TCF20: variants seen among roughly 807,000 people sequenced by gnomAD.
The protein encoded by TCF20 is SPRE-binding protein.
A neutral mutation model predicts 148.6 loss-of-function variants in TCF20; 3 were observed. That is an observed-to-expected ratio of 0.02 (90% confidence interval 0.01 to 0.05). The LOEUF (loss-of-function observed/expected upper bound fraction) is 0.05. Among genes scored for constraint, TCF20 ranks in the 10% least tolerant of loss-of-function variants. TCF20 has a pLI of 1.00. For synonymous variants in TCF20, 1,049 were observed against 909.5 expected, an observed-to-expected ratio of 1.15 and a Z score of -2.76; for missense variants, 2,350 against 2,429.3, an observed-to-expected ratio of 0.97 and a Z score of 0.69.
At chr22:42,287,476 T>C (rs908667043), upstream of TCF20, among the ~76,000 whole-genome samples, 1 of 152,164 alleles carries the variant, frequency 6.6e-6, no homozygotes, top group Non-Finnish European at 1.5e-5. Flanking sequence ...ACCAACATAC[T>C]CTACTGCATC....
chr22:42,170,335 TA>T (rs71803379), intron 3 of TCF20, among the ~76,000 whole-genome samples: 18,939 of 139,122 alleles, frequency 0.14, 1,506 homozygotes, highest in African/African-American at 0.24. Flanking sequence ...CTGTCACTAT[TA>T]AAAAAAAAAA....
intron 5 of TCF20, among the ~76,000 whole-genome samples, chr22:42,164,535 ATTTC>A (rs1935666407): frequency 6.6e-6 from 1 of 152,140 alleles, no homozygotes; most frequent in African/African-American, 2.4e-5. Context: ...GGATGCACTC[ATTTC>A]TTTAACACAG....
chr22:42,261,666 C>T (rs1045135856), intron 1 of TCF20, among the ~76,000 whole-genome samples: 2 of 152,102 alleles, frequency 1.3e-5, no homozygotes, highest in African/African-American at 2.4e-5. Flanking sequence ...GAGAAAAAGG[C>T]TAGGCTTGCC....
chr22:42,178,214 C>T (rs1936559691), intron 3 of TCF20, among the ~76,000 whole-genome samples: 1 of 152,170 alleles, frequency 6.6e-6, no homozygotes, highest in Non-Finnish European at 1.5e-5. Flanking sequence ...TGTTCATCTG[C>T]ATCCTTTATA....
At chr22:42,271,492 T>C (rs1455920109), upstream of TCF20, among the ~76,000 whole-genome samples, 3 of 152,228 alleles carry the variant, frequency 2.0e-5, no homozygotes, top group East Asian at 1.9e-4. Context: ...TTGACTTCTT[T>C]ATAAAGAAAA....
intron 1 of TCF20, among the ~76,000 whole-genome samples, chr22:42,340,883 GC>G (rs200722799): frequency 0.043 from 5,726 of 134,034 alleles, 185 homozygotes; most frequent in African/African-American, 0.094. Context: ...GAGGAGGGAA[GC>G]CCCCCCCCCC....
chr22:42,169,437 T>C (rs796231746), intron 4 of TCF20, among the ~76,000 whole-genome samples: 16 of 152,250 alleles, frequency 1.1e-4, no homozygotes, highest in African/African-American at 3.9e-4. Flanking sequence ...AGCCTTGTGG[T>C]CAGCTCGACT....
At position 42,215,230 on chromosome 22, in the gene TCF20, G is replaced by A. The variant is rs992634165; in HGVS notation, c.76C>T (p.Arg26Trp). 15 of 1,614,050 alleles carry A rather than the reference G, an allele frequency of 9.3e-6. No homozygotes were observed. Among genetic ancestry groups the A allele is most frequent in the African/African-American group, 1.3e-5 (1 of 74,922 alleles). ...TGACGAGGGCTGAACTCTTCTAGCC[G>A]GGATGAGCCGTGTACCTCCTGTGGG... ...SYPQEVHGSS[R>W]LEEFSPRQAQ... is the part of the protein sequence containing the mutation. Residue 26 changes from arginine to tryptophan, a missense_variant, in exon 2 of 6, where the codon CGG (arginine) becomes TGG (tryptophan). Physicochemically the swap from Arg to Trp is moderately radical, Grantham distance 101. Around this residue, in one of 7 missense-constraint regions of TCF20, gnomAD observed 1,641 missense variants for 1,662.6 expected, o/e 0.99. Coordinates refer to ENST00000677622, the MANE Select transcript of TCF20 (RefSeq NM_001378418.1).
intron 1 of TCF20, among the ~76,000 whole-genome samples, chr22:42,265,489 G>A (rs1926235808): frequency 1.3e-5 from 2 of 152,090 alleles, no homozygotes; most frequent in South Asian, 4.1e-4. Context: ...ATTTTGCAGA[G>A]ACCAGGTCTC....
intron 1 of TCF20, among the ~76,000 whole-genome samples, chr22:42,259,588 A>G (rs1353934394): frequency 2.0e-5 from 3 of 152,144 alleles, no homozygotes; most frequent in Non-Finnish European, 4.4e-5. Flanking sequence ...CCCTATTCCA[A>G]TATTCGCTTC....
chr22:42,339,011 C>T (rs141507219), intron 1 of TCF20, among the ~76,000 whole-genome samples: 338 of 152,214 alleles, frequency 2.2e-3, no homozygotes, highest in African/African-American at 5.4e-3. Flanking sequence ...AGCCCTCCCA[C>T]GAGCAGCCCC....
intron 1 of TCF20, among the ~76,000 whole-genome samples, chr22:42,323,319 G>A (rs1927769271): frequency 8.2e-6 from 1 of 121,228 alleles, no homozygotes; most frequent in Admixed American, 7.5e-5. Context: ...GGGATGGCAG[G>A]GTGGCAGTGG....
intron 1 of TCF20, among the ~76,000 whole-genome samples, chr22:42,254,762 C>G (rs977001335): frequency 4.6e-5 from 7 of 152,176 alleles, no homozygotes; most frequent in African/African-American, 1.7e-4. Context: ...GTCAGCAGAT[C>G]GAGAATATCT....
chr22:42,245,783 T>C (rs1376918512), intron 1 of TCF20, among the ~76,000 whole-genome samples: 2 of 152,152 alleles, frequency 1.3e-5, no homozygotes, highest in Non-Finnish European at 2.9e-5. Flanking sequence ...TTAAATTTTA[T>C]TTATGTATTT....
At chr22:42,188,944 G>A (rs765215464) in intron 2 of TCF20, among the ~76,000 whole-genome samples, 2 of 152,190 alleles carry the variant, frequency 1.3e-5, no homozygotes, top group Non-Finnish European at 2.9e-5. Flanking sequence ...AGTTAAGGAA[G>A]TCAGGAAAGC....
chr22:42,271,604 G>A (rs1368526416), upstream of TCF20, among the ~76,000 whole-genome samples: 1 of 152,220 alleles, frequency 6.6e-6, no homozygotes, highest in African/African-American at 2.4e-5. Flanking sequence ...TTGTGATCCT[G>A]CCCCTGACCT....
At chr22:42,335,846 C>G (rs967527895) in intron 1 of TCF20, among the ~76,000 whole-genome samples, 6 of 152,106 alleles carry the variant, frequency 3.9e-5, no homozygotes, top group African/African-American at 1.4e-4. Context: ...CAGATCACGC[C>G]CCCAGCCCTG....
At chr22:42,333,225 G>A (rs919256603) in intron 1 of TCF20, among the ~76,000 whole-genome samples, 19 of 151,588 alleles carry the variant, frequency 1.3e-4, no homozygotes, top group African/African-American at 4.4e-4. Context: ...GCTGTGCAGA[G>A]GCTTTAGGGG....
chr22:42,262,203 T>C (rs1333197260), intron 1 of TCF20, among the ~76,000 whole-genome samples: 3 of 152,168 alleles, frequency 2.0e-5, no homozygotes, highest in African/African-American at 2.4e-5. Context: ...CATACGACTC[T>C]TGGCCGCTCT....
Sources: gnomAD v4.1 joint callset for allele counts (sites outside exome capture counted in the v4.1 genomes callset) on GRCh38, gnomAD v4.1.1 for gene constraint, gnomAD v4.1.1 regional missense constraint, MANE v1.5 for transcripts, NCBI Gene and HGNC (gene_info 2026-07-23, HGNC 2026-07-21) for gene names.